The following SMIM20 variants were observed in gnomAD, a reference collection of about 807,000 sequenced individuals.
SMIM20 encodes the protein mitochondrial translation regulation assembly intermediate of cytochrome c oxidase protein of 7 kDa.
In SMIM20, 3 loss-of-function variants were observed where a neutral mutation model predicts 8.7. The observed-to-expected ratio is 0.34, with a 90% CI of 0.16 to 0.89. SMIM20 has a LOEUF of 0.89. SMIM20 is among the 40% of genes least tolerant of loss of function. The probability of loss-of-function intolerance (pLI) is 0.49; values close to 1 mark genes in which losing one functional copy is unlikely to be tolerated. For synonymous variants in SMIM20, 44 were observed against 33.6 expected, an observed-to-expected ratio of 1.31 and a Z score of -1.07; for missense variants, 85 against 84.8, an observed-to-expected ratio of 1.00 and a Z score of -0.01.
At position 25,929,361 on chromosome 4, in the gene SMIM20, CCTT is replaced by C. The variant is rs1236612345; in HGVS notation, c.*174_*176del. 5 of 594,664 alleles carry C rather than the reference CCTT, an allele frequency of 8.4e-6. No homozygotes were observed. In the East Asian group the frequency reaches 1.5e-4, roughly 18 times the overall value. The allele number at this position is 594,664 out of a possible 1,614,324, so 36.8% of individuals were successfully genotyped here. A position where few individuals can be genotyped will look rare whatever the true frequency, so the allele number is the denominator to read the frequency against. ...GACTGTGCACAAGGATTAATATTTCCCTTCTTAAGTATCAAAAGAACTCTGGAA... is the reference window on the plus strand; with the variant it reads ...GACTGTGCACAAGGATTAATATTTCCCTTAAGTATCAAAAGAACTCTGGAA... On this transcript the variant is annotated 3_prime_UTR_variant, in exon 3 of 3. Transcript: ENST00000506197.
chr4:25,917,561 C>G (rs941048410), intron 1 of SMIM20, among the ~76,000 whole-genome samples: 1 of 152,148 alleles, frequency 6.6e-6, no homozygotes, highest in Non-Finnish European at 1.5e-5. Flanking sequence ...CAGCTCATTC[C>G]AACACATTCA....
intron 1 of SMIM20, among the ~76,000 whole-genome samples, chr4:25,920,591 T>G (rs914933770): frequency 6.6e-6 from 1 of 152,188 alleles, no homozygotes; most frequent in East Asian, 1.9e-4. Context: ...AAAGAAATTT[T>G]AAACAATAAA....
intron 1 of SMIM20, 53 bp downstream of exon 1, chr4:25,914,475 C>A (rs1577359020): frequency 7.2e-7 from 1 of 1,390,372 alleles, no homozygotes; most frequent in East Asian, 2.7e-5. Context: ...ACACACACCT[C>A]CCCTCTGTGA....
intron 1 of SMIM20, among the ~76,000 whole-genome samples, chr4:25,919,092 G>C (rs1406948465): frequency 6.8e-6 from 1 of 148,098 alleles, no homozygotes; most frequent in Admixed American, 6.7e-5. Flanking sequence ...TTTTAGTAGA[G>C]ACGGGGTTTC....
Position 25,929,657 on chromosome 4 carries a change from C to G in SMIM20, c.*466C>G, listed in dbSNP as rs1442595910. On this transcript the variant is annotated 3_prime_UTR_variant, in exon 3 of 3. Coordinates refer to ENST00000506197, the MANE Select transcript of SMIM20 (RefSeq NM_001145432.3). Reference sequence around the variant, plus strand: ...CGAAAATGTTCGAGTTGATAAAGCTCTTTGAGGACAAGGTACTTCGTGCAC... The same window carrying G: ...CGAAAATGTTCGAGTTGATAAAGCTGTTTGAGGACAAGGTACTTCGTGCAC... 1 of 153,556 alleles carries G rather than the reference C, an allele frequency of 6.5e-6. No homozygotes were observed. Among genetic ancestry groups the G allele is most frequent in the Non-Finnish European group, 1.4e-5 (1 of 69,030 alleles). The allele number at this position is 153,556 out of a possible 1,614,324, so 9.5% of individuals were successfully genotyped here.
chr4:25,915,864 G>T (rs79068461), intron 1 of SMIM20, among the ~76,000 whole-genome samples: 33,111 of 126,916 alleles, frequency 0.26, 8,265 homozygotes, highest in East Asian at 0.37. Context: ...TGGGGCGGGG[G>T]GGGGGTCGAG....
intron 1 of SMIM20, among the ~76,000 whole-genome samples, chr4:25,926,067 A>T (rs1367120083): frequency 6.6e-6 from 1 of 152,196 alleles, no homozygotes; most frequent in African/African-American, 2.4e-5. Flanking sequence ...AAATGTGCTC[A>T]CTAGTGAAAT....
Position 25,929,485 on chromosome 4 carries a change from T to C in SMIM20, c.*294T>C, listed in dbSNP as rs1159585198. Reference sequence around the variant, plus strand: ...GGGTTTGGAGGAGCAATCTGCTTATTATTCTGTCGTTACCACTTACTCAAG... The same window carrying C: ...GGGTTTGGAGGAGCAATCTGCTTATCATTCTGTCGTTACCACTTACTCAAG... On this transcript the variant is annotated 3_prime_UTR_variant, in exon 3 of 3. Transcript: ENST00000506197. The C allele has an allele frequency of 1.4e-5, 5 of 350,118 alleles. No individual in the cohort carries two copies. The highest frequency in any genetic ancestry group is 6.3e-5 in the African/African-American group (3 of 47,548). 21.7% of individuals were successfully genotyped at this position (350,118 alleles called of 1,614,324 possible). A position where few individuals can be genotyped will look rare whatever the true frequency, so the allele number is the denominator to read the frequency against.
chr4:25,921,418 C>T (rs186828526), intron 1 of SMIM20, among the ~76,000 whole-genome samples: 104 of 152,220 alleles, frequency 6.8e-4, no homozygotes, highest in Non-Finnish European at 1.1e-3. Context: ...GGCTGATTAG[C>T]CACGGGGCAA....
intron 1 of SMIM20, among the ~76,000 whole-genome samples, chr4:25,923,124 T>C (rs1719227352): frequency 6.6e-6 from 1 of 152,136 alleles, no homozygotes; most frequent in South Asian, 2.1e-4. Context: ...CATCAGTGGG[T>C]CAGTGACCCA....
At chr4:25,922,868 A>G (rs1010117473) in intron 1 of SMIM20, among the ~76,000 whole-genome samples, 1 of 152,230 alleles carries the variant, frequency 6.6e-6, no homozygotes, top group Non-Finnish European at 1.5e-5. Context: ...CTGCTGGAAC[A>G]AGCATACAGG....
chr4:25,918,732 C>T (rs1252643710), intron 1 of SMIM20, among the ~76,000 whole-genome samples: 8 of 151,650 alleles, frequency 5.3e-5, no homozygotes, highest in Admixed American at 2.0e-4. Flanking sequence ...AGGCTGGTCT[C>T]GAACTCTTTG....
chr4:25,926,392 G>T (rs528321375), intron 1 of SMIM20, among the ~76,000 whole-genome samples: 1 of 152,324 alleles, frequency 6.6e-6, no homozygotes, highest in South Asian at 2.1e-4. Context: ...CTAATACCTG[G>T]TTATCATTTG....
At position 25,914,330 on chromosome 4, in the gene SMIM20, G is replaced by T. The variant is rs1400502755; in HGVS notation, c.17G>T (p.Arg6Leu). The T allele has an allele frequency of 6.4e-7, 1 of 1,550,588 alleles. No homozygotes were observed. The highest frequency in any genetic ancestry group is 2.0e-5 in the Admixed American group (1 of 50,910). Reference protein sequence around the residue: MSRNLRTALIFGGFIS... With the variant: MSRNLLTALIFGGFIS... ...CCTGACGCCATGTCCCGGAACCTGC[G>T]CACCGCGCTCATTTTCGGCGGCTTC... The change falls in exon 1 of 3, where the codon CGC becomes CTC. Residue 6 changes from arginine (R) to leucine (L), a missense_variant. Coordinates refer to ENST00000506197, the MANE Select transcript of SMIM20 (RefSeq NM_001145432.3).
In SMIM20 at chr4:25,914,376, C is replaced by G; in HGVS notation, c.63C>G (p.Ala21=). 1 of 1,546,094 alleles carries G rather than the reference C, an allele frequency of 6.5e-7. No homozygotes were observed. Among genetic ancestry groups the G allele is most frequent in the Non-Finnish European group, 8.7e-7 (1 of 1,143,748 alleles). ...FGGFISLIGA[A]FYPIYFRPLM... is the part of the protein sequence containing the mutation. ...GCTTCATCTCCCTGATCGGCGCCGCCTTCTATCCCATCTACTTCCGGCCCC... is the reference window on the plus strand; with the variant it reads ...GCTTCATCTCCCTGATCGGCGCCGCGTTCTATCCCATCTACTTCCGGCCCC... The change falls in exon 1 of 3, where the codon GCC becomes GCG. Residue 21 remains alanine (A), a synonymous_variant. Transcript: ENST00000506197.
intron 1 of SMIM20, among the ~76,000 whole-genome samples, chr4:25,916,881 C>T (rs1488198865): frequency 6.6e-6 from 1 of 152,192 alleles, no homozygotes; most frequent in East Asian, 1.9e-4. Context: ...ACACAGCTTT[C>T]GCCTTCAGTG....
intron 1 of SMIM20, among the ~76,000 whole-genome samples, chr4:25,918,889 C>CTTTT (rs775952783): frequency 3.1e-4 from 28 of 91,698 alleles, no homozygotes; most frequent in South Asian, 4.2e-4. Context: ...ATGTGAATAT[C>CTTTT]TTTTTTTTTT....
chr4:25,921,353 C>T (rs1158260336), intron 1 of SMIM20, among the ~76,000 whole-genome samples: 5 of 152,012 alleles, frequency 3.3e-5, no homozygotes, highest in East Asian at 1.9e-4. Flanking sequence ...AGCAACATGG[C>T]GCGACCCTGT....
Position 25,914,247 on chromosome 4 carries a change from C to G in SMIM20, c.-67C>G. The stretch of plus-strand genomic sequence containing the variant: ...CTTCCGAGCGGGGTCACGGCCCGGC[C>G]GTCGGTAACCTGGTTTCCGAGAGTG... On this transcript the variant is annotated 5_prime_UTR_variant, in exon 1 of 3. Transcript: ENST00000506197. 4.0e-6 allele frequency: 6 copies of G among 1,511,266 alleles called. No individual in the cohort carries two copies. The highest frequency in any genetic ancestry group is 5.3e-6 in the Non-Finnish European group (6 of 1,123,454). The allele number at this position is 1,511,266 out of a possible 1,614,324, so 93.6% of individuals were successfully genotyped here. A position where few individuals can be genotyped will look rare whatever the true frequency, so the allele number is the denominator to read the frequency against.
Sources: allele counts gnomAD v4.1 joint callset (sites outside exome capture counted in the v4.1 genomes callset), GRCh38; gene constraint gnomAD v4.1.1; transcripts MANE v1.5; gene names NCBI Gene and HGNC (gene_info 2026-07-23, HGNC 2026-07-21).